The following FBLN5 variants were observed in gnomAD, a reference collection of about 807,000 sequenced individuals.
The protein encoded by FBLN5 is fibulin-5.
In FBLN5, 24 loss-of-function variants were observed where a neutral mutation model predicts 61.6. That is an observed-to-expected ratio of 0.39 (90% confidence interval 0.28 to 0.55). The LOEUF is 0.55. Ranked by LOEUF, FBLN5 falls within the 20% of genes least tolerant of loss-of-function variation. The pLI is 0.65. For missense variants in FBLN5, 470 were observed against 594.1 expected (o/e 0.79, Z 2.17); for synonymous variants, 213 against 219.8 (o/e 0.97, Z 0.27).
intron 10 of FBLN5, among the ~76,000 whole-genome samples, chr14:91,875,165 C>T (rs1889110391): frequency 6.6e-6 from 1 of 152,116 alleles, no homozygotes; most frequent in South Asian, 2.1e-4. Context: ...TACTAGCCTC[C>T]ATCTCAATCA....
chr14:91,940,031 C>A, intron 3 of FBLN5: 4 of 448,678 alleles, frequency 8.9e-6, no homozygotes, highest in South Asian at 6.3e-5. Context: ...GAGGAGCCAC[C>A]AGCCAAGGAA....
intron 4 of FBLN5, among the ~76,000 whole-genome samples, chr14:91,915,413 C>T (rs187203783): frequency 6.4e-4 from 97 of 152,116 alleles, no homozygotes; most frequent in African/African-American, 1.4e-3. Context: ...CGGCCAAGCA[C>T]GGTGGCTCAC....
intron 4 of FBLN5, among the ~76,000 whole-genome samples, chr14:91,921,611 G>C (rs755518862): frequency 6.6e-6 from 1 of 152,144 alleles, no homozygotes; most frequent in Non-Finnish European, 1.5e-5. Context: ...GAAGGCCTCC[G>C]GTGGATTTAA....
chr14:91,883,184 T>C (rs1386500283), intron 7 of FBLN5, 108 bp from the exon 8 acceptor site: 1 of 1,288,996 alleles, frequency 7.8e-7, no homozygotes, highest in Non-Finnish European at 1.1e-6. Context: ...ATACAATGGC[T>C]TTACTGCCAA....
At chr14:91,896,597 G>T (rs1417800225) in intron 4 of FBLN5, among the ~76,000 whole-genome samples, 4 of 152,142 alleles carry the variant, frequency 2.6e-5, no homozygotes, top group Non-Finnish European at 5.9e-5. Flanking sequence ...TGGGAAAACT[G>T]AGTGGAAAGA....
chr14:91,934,716 T>G lies in FBLN5; in HGVS notation c.379+2231A>C, dbSNP rs961992629. ...GAAAACACCCACATTCTCTGGGCAG[T>G]GACACCTCCACACTCACCTCCTTGT... On this transcript the variant is annotated intron_variant, in intron 4 of 10. Transcript: ENST00000342058. Among the ~76,000 whole-genome samples, 6 of 152,190 alleles carry G rather than the reference T, an allele frequency of 3.9e-5. No homozygotes were observed. In the East Asian group the frequency reaches 1.2e-3, roughly 29 times the overall value.
chr14:91,899,285 G>C (rs999070022), intron 4 of FBLN5, among the ~76,000 whole-genome samples: 2 of 152,212 alleles, frequency 1.3e-5, no homozygotes, highest in Non-Finnish European at 2.9e-5. Flanking sequence ...CCTGGCTGCT[G>C]TCACACCAGT....
chr14:91,912,254 T>G (rs1041560338), intron 4 of FBLN5, among the ~76,000 whole-genome samples: 4 of 152,122 alleles, frequency 2.6e-5, no homozygotes, highest in African/African-American at 4.8e-5. Flanking sequence ...CCCAACACTT[T>G]GGAAGGTTAA....
intron 4 of FBLN5, among the ~76,000 whole-genome samples, chr14:91,933,810 T>C (rs529082618): frequency 6.6e-6 from 1 of 151,800 alleles, no homozygotes; most frequent in Non-Finnish European, 1.5e-5. Flanking sequence ...AGTTTCATTA[T>C]GAAAAAAAAA....
At chr14:91,905,306 TAGAG>T (rs1890637767) in intron 4 of FBLN5, among the ~76,000 whole-genome samples, 1 of 152,020 alleles carries the variant, frequency 6.6e-6, no homozygotes, top group Non-Finnish European at 1.5e-5. Flanking sequence ...CCTGCCCCCC[TAGAG>T]CTTGCAGGCA....
rs372037997 is a variant in FBLN5, at chr14:91,877,469, C to G, written c.1185+18G>C. ...GCCACTGTTACAGATGGCGTCCCCA[C>G]TCCCCACTCCCTCTTACCCGCATGT... On this transcript the variant is annotated intron_variant, in intron 10 of 10. Coordinates refer to ENST00000342058, the MANE Select transcript of FBLN5 (RefSeq NM_006329.4). 6.2e-7 allele frequency: 1 copy of G among 1,604,196 alleles called. No individual in the cohort carries two copies.
At chr14:91,870,781 G>C (rs911068842) in intron 10 of FBLN5, among the ~76,000 whole-genome samples, 1 of 152,202 alleles carries the variant, frequency 6.6e-6, no homozygotes, top group Non-Finnish European at 1.5e-5. Flanking sequence ...ACTGGGGTCA[G>C]GCTTTTCACC....
chr14:91,917,099 G>C (rs1478957473), intron 4 of FBLN5, among the ~76,000 whole-genome samples: 1 of 152,220 alleles, frequency 6.6e-6, no homozygotes, highest in Non-Finnish European at 1.5e-5. Context: ...TGTTAAACTA[G>C]AAAGACATAA....
chr14:91,920,810 A>T (rs1006342826), intron 4 of FBLN5, among the ~76,000 whole-genome samples: 1 of 152,172 alleles, frequency 6.6e-6, no homozygotes, highest in Non-Finnish European at 1.5e-5. Flanking sequence ...AGGTCAGCCC[A>T]AGCCTACCCT....
intron 6 of FBLN5, among the ~76,000 whole-genome samples, chr14:91,890,992 T>G (rs1889968500): frequency 6.6e-6 from 1 of 152,142 alleles, no homozygotes; most frequent in Non-Finnish European, 1.5e-5. Context: ...TCCCAGCCAG[T>G]GGAGGATTGG....
At chr14:91,929,751 C>G (rs1796166417) in intron 4 of FBLN5, among the ~76,000 whole-genome samples, 1 of 152,212 alleles carries the variant, frequency 6.6e-6, no homozygotes, top group South Asian at 2.1e-4. Context: ...GAAAAATAGA[C>G]AGATGAACTA....
At chr14:91,916,904 C>T (rs562866290) in intron 4 of FBLN5, among the ~76,000 whole-genome samples, 3 of 152,264 alleles carry the variant, frequency 2.0e-5, no homozygotes, top group South Asian at 4.1e-4. Flanking sequence ...GGTCCATGCA[C>T]GGCAGGTAGC....
chr14:91,877,399 C>T (rs1889217088), intron 10 of FBLN5, 88 bp downstream of exon 10: 2 of 1,125,090 alleles, frequency 1.8e-6, no homozygotes, highest in African/African-American at 3.1e-5. Flanking sequence ...CAGCCCCACT[C>T]TTACCTGCTT....
rs1020969274 is a variant in FBLN5 at position 91,943,382 on chromosome 14, G to A, written c.18-421C>T. On this transcript the variant is annotated intron_variant, in intron 1 of 10. Transcript: ENST00000342058. This position sits in a 1 kb window ranked among gnomAD's most constrained non-coding sequence, Gnocchi z 4.0. ...AAAAATTAACTGGGCATGATAGCAC[G>A]CGCCTAAAGTCCCAGCTACTCAGGA... Among the ~76,000 whole-genome samples the A allele has an allele frequency of 1.0e-3, 159 of 151,998 alleles. No individual in the cohort carries two copies. Among genetic ancestry groups the A allele is most frequent in the Non-Finnish European group, 4.0e-4 (27 of 67,974 alleles).
Sources: gnomAD v4.1 joint callset for allele counts (sites outside exome capture counted in the v4.1 genomes callset) on GRCh38, gnomAD v4.1.1 for gene constraint, Gnocchi (gnomAD v3.1) non-coding constraint, MANE v1.5 for transcripts, NCBI Gene and HGNC (gene_info 2026-07-23, HGNC 2026-07-21) for gene names.